Variants in REEP5 observed in about 807,000 individuals in gnomAD.
REEP5 encodes the protein receptor expression-enhancing protein 5.
In REEP5, 24 loss-of-function variants were observed where a neutral mutation model predicts 22.4. That is an observed-to-expected ratio of 1.07 (90% confidence interval 0.78 to 1.51). The LOEUF (loss-of-function observed/expected upper bound fraction) is 1.51, where lower values mean the gene tolerates loss of function less well. Ranked by LOEUF, REEP5 falls within the 40% of genes most tolerant of loss-of-function variation. REEP5 has a pLI of 0.00. For missense variants in REEP5, 252 were observed against 233.0 expected, an observed-to-expected ratio of 1.08 and a Z score of -0.53; for synonymous variants, 103 against 88.6, an observed-to-expected ratio of 1.16 and a Z score of -0.92.
At chr5:112,887,252 T>C in intron 3 of REEP5, 69 bp from the exon 4 acceptor site, 1 of 1,366,030 alleles carries the variant, frequency 7.3e-7, no homozygotes, top group Non-Finnish European at 9.7e-7. Flanking sequence ...ATACACACTG[T>C]CTTTCACTAC....
chr5:112,896,645 A>T (rs971251599), intron 3 of REEP5: 17 of 151,906 alleles, frequency 1.1e-4, no homozygotes, highest in African/African-American at 4.1e-4. Context: ...TTGTTCTAAA[A>T]ATAAATCTAG....
At chr5:112,908,285 T>G (rs539967955) in intron 2 of REEP5, among the ~76,000 whole-genome samples, 2 of 151,886 alleles carry the variant, frequency 1.3e-5, no homozygotes, top group African/African-American at 4.8e-5. Context: ...GTATTTTTAG[T>G]AGAGACAGGG....
intron 3 of REEP5, chr5:112,891,695 C>G: frequency 6.2e-7 from 1 of 1,613,232 alleles, no homozygotes; most frequent in Non-Finnish European, 8.5e-7. Context: ...CCAGAGAAAC[C>G]AAGCCACAAA....
intron 3 of REEP5, among the ~76,000 whole-genome samples, chr5:112,902,050 T>C (rs1183640711): frequency 6.6e-6 from 1 of 151,804 alleles, no homozygotes; most frequent in Non-Finnish European, 1.5e-5. Flanking sequence ...CTCAAGATAC[T>C]ACCATTTATG....
At chr5:112,892,532 C>G in intron 3 of REEP5, 1 of 1,614,176 alleles carries the variant, frequency 6.2e-7, no homozygotes, top group Non-Finnish European at 8.5e-7. Context: ...CGATGGTATG[C>G]AGGACGACAG....
At chr5:112,921,123 G>A in intron 2 of REEP5, 40 bp downstream of exon 2, 1 of 1,588,296 alleles carries the variant, frequency 6.3e-7, no homozygotes. Flanking sequence ...GGGGAGGAAT[G>A]GAGGAAGGGA....
intron 2 of REEP5, among the ~76,000 whole-genome samples, chr5:112,916,568 C>T (rs1279711438): frequency 6.6e-6 from 1 of 152,166 alleles, no homozygotes; most frequent in Non-Finnish European, 1.5e-5. Flanking sequence ...ATGACAGTAC[C>T]TTATTTGAGA....
At chr5:112,887,374 G>T (rs1700252275) in intron 3 of REEP5, among the ~76,000 whole-genome samples, 191 bp from the exon 4 acceptor site, 1 of 152,182 alleles carries the variant, frequency 6.6e-6, no homozygotes, top group South Asian at 2.1e-4. Context: ...TAATGAGCTG[G>T]TAAGGAAAAG....
intron 1 of REEP5, chr5:112,921,776 A>G (rs1008093673): frequency 1.0e-5 from 3 of 286,724 alleles, no homozygotes; most frequent in Non-Finnish European, 2.0e-5. Flanking sequence ...CGCGCAGGAC[A>G]GCAGGAATAG....
chr5:112,922,214 G>A lies in REEP5; in HGVS notation c.-24C>T, dbSNP rs781640735. The stretch of plus-strand genomic sequence containing the variant: ...ATGGCGGGGACCGTCTCGCCGCTCG[G>A]GGCTGTTCCTAGTGCCGGATAGACT... On this transcript the variant is annotated 5_prime_UTR_variant, in exon 1 of 5. Coordinates refer to ENST00000379638, the MANE Select transcript of REEP5 (RefSeq NM_005669.5). 6.3e-7 allele frequency: 1 copy of A among 1,596,078 alleles called. No individual in the cohort carries two copies. The highest frequency in any genetic ancestry group is 1.7e-5 in the Admixed American group (1 of 58,070).
At position 112,922,159 on chromosome 5, in the gene REEP5, C is replaced by A. The variant is rs1271857701; in HGVS notation, c.32G>T (p.Arg11Leu). Residue 11 changes from arginine to leucine, a missense_variant, in exon 1 of 5, where the codon CGG becomes CTG. Arg to Leu is a moderately radical substitution (Grantham distance 102). Coordinates refer to ENST00000379638, the MANE Select transcript of REEP5 (RefSeq NM_005669.5). MSAAMRERFD[R>L]FLHEKNCMTD... ...CATGCAGTTCTTCTCGTGCAGGAAC[C>A]GGTCGAACCTCTCCCTCATGGCCGC... The A allele has an allele frequency of 6.2e-7, 1 of 1,608,014 alleles. No homozygotes were observed. The highest frequency in any genetic ancestry group is 8.5e-7 in the Non-Finnish European group (1 of 1,177,430).
chr5:112,921,623 C>T, intron 1 of REEP5: 2 of 302,072 alleles, frequency 6.6e-6, no homozygotes, highest in Admixed American at 4.8e-5. Flanking sequence ...TCCCGAGAGG[C>T]CCGGACTCCC....
At chr5:112,902,825 C>G (rs1175268426) in intron 2 of REEP5, among the ~76,000 whole-genome samples, 2 of 152,190 alleles carry the variant, frequency 1.3e-5, no homozygotes, top group African/African-American at 2.4e-5. Flanking sequence ...TGACTGGGAG[C>G]TAGAGCAATT....
chr5:112,900,479 C>G (rs115068755), intron 3 of REEP5, among the ~76,000 whole-genome samples: 1,653 of 152,272 alleles, frequency 0.011, 8 homozygotes, highest in Middle Eastern at 0.037. Flanking sequence ...GCAAATCACT[C>G]AGGAAAACAG....
intron 1 of REEP5, 143 bp from the exon 2 acceptor site, chr5:112,921,399 GAA>G: frequency 1.3e-6 from 1 of 767,252 alleles, no homozygotes; most frequent in Non-Finnish European, 2.2e-6. Context: ...CAAACCACAC[GAA>G]AGCTGGGCCT....
intron 2 of REEP5, among the ~76,000 whole-genome samples, chr5:112,916,509 T>A (rs1561660657): frequency 6.6e-6 from 1 of 152,270 alleles, no homozygotes; most frequent in Non-Finnish European, 1.5e-5. Context: ...TTCTAACTAA[T>A]GTCTACAAAA....
intron 2 of REEP5, among the ~76,000 whole-genome samples, chr5:112,913,379 AAGAGAAAGAAAGAG>A (rs1216412608): frequency 2.9e-5 from 1 of 34,322 alleles, no homozygotes; most frequent in African/African-American, 9.6e-4. Flanking sequence ...AGAAGAAAGA[AAGAGAAAGAAAGAG>A]AAAGAAAGAA....
intron 3 of REEP5, among the ~76,000 whole-genome samples, chr5:112,887,791 ATTT>A (rs1007441155): frequency 6.6e-6 from 1 of 151,370 alleles, no homozygotes; most frequent in Non-Finnish European, 1.5e-5. Flanking sequence ...TGCCATTGAG[ATTT>A]TTTTTTAATT....
At chr5:112,905,389 A>C (rs1768932626) in intron 2 of REEP5, among the ~76,000 whole-genome samples, 1 of 151,898 alleles carries the variant, frequency 6.6e-6, no homozygotes, top group African/African-American at 2.4e-5. Context: ...AAAAATACAA[A>C]AATTAGCCGG....
Sources: gnomAD v4.1 joint callset for allele counts (sites outside exome capture counted in the v4.1 genomes callset) on GRCh38, gnomAD v4.1.1 for gene constraint, MANE v1.5 for transcripts, NCBI Gene and HGNC (gene_info 2026-07-23, HGNC 2026-07-21) for gene names.